The following BPI variants were observed in gnomAD, a reference collection of about 807,000 sequenced individuals.
The protein encoded by BPI is bactericidal permeability-increasing protein.
BPI carries 48 observed loss-of-function variants against 57.6 expected under a neutral mutation model. That is an observed-to-expected ratio of 0.83 (90% CI 0.66 to 1.06). The LOEUF is 1.06. BPI is among the 50% of genes least tolerant of loss of function. BPI has a pLI of 0.00. For synonymous variants in BPI, 237 were observed against 238.2 expected (o/e 0.99, Z 0.05); for missense variants, 651 against 609.7 (o/e 1.07, Z -0.71).
chr20:38,305,487 G>A (rs1325655998), intron 1 of BPI, among the ~76,000 whole-genome samples: 1 of 152,192 alleles, frequency 6.6e-6, no homozygotes, highest in East Asian at 1.9e-4. Flanking sequence ...GCCTTCAGAA[G>A]CTATCCTGAC....
intron 13 of BPI, among the ~76,000 whole-genome samples, chr20:38,335,191 G>C (rs770954302): frequency 2.0e-4 from 30 of 152,138 alleles, no homozygotes; most frequent in African/African-American, 7.0e-4. Flanking sequence ...GGCAGTATGT[G>C]GGGGGCTTGC....
chr20:38,315,936 G>T (rs2076649971), intron 5 of BPI, among the ~76,000 whole-genome samples: 1 of 151,298 alleles, frequency 6.6e-6, no homozygotes, highest in African/African-American at 2.4e-5. Flanking sequence ...GGGTTCAAGA[G>T]ATTCTCCTGC....
At chr20:38,314,706 G>A (rs112076174) in intron 5 of BPI, among the ~76,000 whole-genome samples, 1 of 141,380 alleles carries the variant, frequency 7.1e-6, no homozygotes, top group Non-Finnish European at 1.5e-5. Flanking sequence ...GGTGGTGATG[G>A]TGATGGTGGG....
chr20:38,332,928 C>G (rs540218475), intron 12 of BPI, among the ~76,000 whole-genome samples: 4 of 152,296 alleles, frequency 2.6e-5, no homozygotes, highest in African/African-American at 9.6e-5. Flanking sequence ...TGTCCAGCGT[C>G]TTGCTACATT....
intron 2 of BPI, among the ~76,000 whole-genome samples, chr20:38,308,176 A>G (rs967281618): frequency 3.9e-5 from 6 of 152,050 alleles, no homozygotes; most frequent in African/African-American, 1.4e-4. Flanking sequence ...CCTGCTCAGC[A>G]CTCTGAACAA....
At chr20:38,335,722 A>C in intron 14 of BPI, 48 bp downstream of exon 14, 1 of 1,567,496 alleles carries the variant, frequency 6.4e-7, no homozygotes, top group Non-Finnish European at 8.8e-7. Context: ...GATAGTGACC[A>C]ACAGCAGCCT....
At chr20:38,317,685 TTGGTGGGGGTG>T (rs1450220236) in intron 5 of BPI, 3 of 834,218 alleles carry the variant, frequency 3.6e-6, no homozygotes, top group Non-Finnish European at 6.1e-6. Context: ...ACTCCATCTC[TTGGTGGGGGTG>T]TGGCAAAGCC....
intron 11 of BPI, among the ~76,000 whole-genome samples, chr20:38,328,454 G>A (rs1486976545): frequency 6.6e-6 from 1 of 152,138 alleles, no homozygotes; most frequent in Non-Finnish European, 1.5e-5. Context: ...AGAGGCTGAG[G>A]CAGGGGAATG....
rs757803165 is a variant in BPI at position 38,323,883 on chromosome 20, G to A, written c.770G>A (p.Ser257Asn). The A allele has an allele frequency of 4.3e-6, 7 of 1,613,976 alleles. No individual in the cohort carries two copies. In the Admixed American group the frequency reaches 5.0e-5, roughly 12 times the overall value. ...LDVQMKGEFY[S>N]ENHHNPPPFA... ...CTCTACCCCCAGGGGGAGTTTTACAGTGAGAACCACCACAATCCACCTCCC... is the reference window on the plus strand; with the variant it reads ...CTCTACCCCCAGGGGGAGTTTTACAATGAGAACCACCACAATCCACCTCCC... The change falls in exon 8 of 15, where the codon AGT (serine) becomes AAT (asparagine). Residue 257 changes from serine (S) to asparagine (N), a missense_variant. By Grantham distance (46) the Ser-to-Asn change is conservative. Transcript: ENST00000642449.
Position 38,337,192 on chromosome 20 carries a change from AGGGGTGCCG to A in BPI, c.*13_*21del, listed in dbSNP as rs756713544. ...GACGTTGTCTATAAATGAAGGCACCAGGGGTGCCGGGGGCTGTCAGCCACACCTGTTCCT... is the reference window on the plus strand; with the variant it reads ...GACGTTGTCTATAAATGAAGGCACCAGGGGCTGTCAGCCACACCTGTTCCT... On this transcript the variant is annotated 3_prime_UTR_variant, in exon 15 of 15. Transcript: ENST00000642449. 1.9e-6 allele frequency: 3 copies of A among 1,586,114 alleles called. No individual in the cohort carries two copies. In the East Asian group the frequency reaches 7.1e-5, roughly 38 times the overall value.
At chr20:38,336,690 A>G (rs1478273373) in intron 14 of BPI, among the ~76,000 whole-genome samples, 1 of 152,200 alleles carries the variant, frequency 6.6e-6, no homozygotes, top group Non-Finnish European at 1.5e-5. Context: ...CCAAGAGTGC[A>G]GAGGAAACAC....
chr20:38,337,072 A>T (rs1218219469), intron 14 of BPI, 74 bp from the exon 15 acceptor site: 24 of 1,499,114 alleles, frequency 1.6e-5, no homozygotes, highest in Non-Finnish European at 2.0e-5. Context: ...GTCCTTCTTA[A>T]AACTCCAGTA....
rs570635839 is a variant in BPI, at chr20:38,304,370, C to T, written c.130+17C>T. ...TGGACTACGGTAACTGGATGCCTCC[C>T]TTCCCTCCTCTCCACCCCTGAGGAG... On this transcript the variant is annotated intron_variant, in intron 1 of 14. Coordinates refer to ENST00000642449, the MANE Select transcript of BPI (RefSeq NM_001725.3). 3 of 1,610,774 alleles carry T rather than the reference C, an allele frequency of 1.9e-6. No homozygotes were observed. The African/African-American group carries it at 4.0e-5, about 21-fold the overall frequency.
intron 5 of BPI, among the ~76,000 whole-genome samples, chr20:38,314,125 TGA>T: frequency 8.4e-6 from 1 of 119,336 alleles, no homozygotes; most frequent in Non-Finnish European, 1.9e-5. Flanking sequence ...GTGGGGAAGA[TGA>T]TGATGATGAT....
chr20:38,317,959 C>T, intron 5 of BPI: 1 of 985,162 alleles, frequency 1.0e-6, no homozygotes, highest in Non-Finnish European at 1.2e-6. Flanking sequence ...ATGAGGGTGC[C>T]CACCTAGACT....
chr20:38,329,297 A>G (rs1381247228), intron 11 of BPI, among the ~76,000 whole-genome samples: 2 of 152,174 alleles, frequency 1.3e-5, no homozygotes, highest in African/African-American at 2.4e-5. Flanking sequence ...CCGCCTCTTC[A>G]GCACATTTGC....
At chr20:38,323,352 A>T (rs953507176) in intron 7 of BPI, among the ~76,000 whole-genome samples, 12 of 152,246 alleles carry the variant, frequency 7.9e-5, no homozygotes, top group Non-Finnish European at 1.5e-4. Flanking sequence ...CAACCTTAAC[A>T]GCTTATGAGT....
At chr20:38,328,815 AGT>A (rs2076727179) in intron 11 of BPI, among the ~76,000 whole-genome samples, 1 of 150,310 alleles carries the variant, frequency 6.7e-6, no homozygotes, top group Non-Finnish European at 1.5e-5. Flanking sequence ...GGGGCAACAT[AGT>A]GAGACCTCGT....
chr20:38,318,359 G>GGAA, intron 5 of BPI, 54 bp from the exon 6 acceptor site: 3 of 1,542,718 alleles, frequency 1.9e-6, no homozygotes, highest in Non-Finnish European at 2.7e-6. Flanking sequence ...TATTGTCAAG[G>GGAA]GACATTTTTC....
Sources: gnomAD v4.1 joint callset for allele counts (sites outside exome capture counted in the v4.1 genomes callset) on GRCh38, gnomAD v4.1.1 for gene constraint, MANE v1.5 for transcripts, NCBI Gene and HGNC (gene_info 2026-07-23, HGNC 2026-07-21) for gene names.